Variants in LTBP1 observed in about 807,000 individuals in gnomAD.
The protein encoded by LTBP1 is latent transforming growth factor beta binding protein 1.
Under a neutral mutation model 207.6 loss-of-function variants are expected in LTBP1, and 129 were observed. That is an observed-to-expected ratio of 0.62 (90% CI 0.54 to 0.72). The LOEUF is 0.72. Ranked by LOEUF, LTBP1 falls within the 30% of genes least tolerant of loss-of-function variation. The probability of loss-of-function intolerance (pLI) is 0.00; values close to 1 mark genes in which losing one functional copy is unlikely to be tolerated. For missense variants in LTBP1, 2,281 were observed against 2,217.2 expected, an observed-to-expected ratio of 1.03 and a Z score of -0.58; for synonymous variants, 963 against 833.7, an observed-to-expected ratio of 1.16 and a Z score of -2.67.
intron 16 of LTBP1, among the ~76,000 whole-genome samples, chr2:33,274,379 G>A (rs1427003164): frequency 6.6e-6 from 1 of 150,734 alleles, no homozygotes; most frequent in African/African-American, 2.4e-5. Flanking sequence ...ACTAAATTAT[G>A]AGGCCAATAG....
At chr2:33,213,483 A>T (rs531575315) in intron 7 of LTBP1, among the ~76,000 whole-genome samples, 1 of 152,374 alleles carries the variant, frequency 6.6e-6, no homozygotes, top group Admixed American at 6.5e-5. Flanking sequence ...GTCATAGACA[A>T]GGATTTTCTG....
At chr2:33,381,770 T>C (rs903564440) in intron 31 of LTBP1, among the ~76,000 whole-genome samples, 2 of 152,274 alleles carry the variant, frequency 1.3e-5, no homozygotes, top group African/African-American at 4.8e-5. Context: ...ATAATTTTTT[T>C]CCCAGGGTTT....
At chr2:33,079,714 G>T (rs947756520) in intron 3 of LTBP1, among the ~76,000 whole-genome samples, 13 of 152,170 alleles carry the variant, frequency 8.5e-5, no homozygotes, top group African/African-American at 3.1e-4. Context: ...AAGGTGACAA[G>T]GCTGTCCTGG....
chr2:33,014,372 A>G (rs2149134862), intron 2 of LTBP1, among the ~76,000 whole-genome samples: 1 of 152,298 alleles, frequency 6.6e-6, no homozygotes, highest in African/African-American at 2.4e-5. Context: ...AGAGTAGACT[A>G]AAATGTGTGA....
intron 32 of LTBP1, among the ~76,000 whole-genome samples, chr2:33,392,490 G>A (rs1359103367): frequency 2.6e-5 from 4 of 152,148 alleles, no homozygotes; most frequent in African/African-American, 4.8e-5. Flanking sequence ...GAGCCCAGAT[G>A]GTAAAATTTG....
rs1344412067 is a variant in LTBP1 at position 33,389,238 on chromosome 2, G to T, written c.4766G>T (p.Gly1589Val). The change falls in exon 32 of 34, where the codon GGA becomes GTA. Residue 1589 changes from glycine to valine, a missense_variant. By Grantham distance (109) the Gly-to-Val change is moderately radical (BLOSUM62 -3). Coordinates refer to ENST00000404816, the MANE Select transcript of LTBP1 (RefSeq NM_206943.4). ...GTGACGGGACGCCGGCAGCCATATGGACGGGACGCCTTGGTTGACTTCAGT... is the reference window on the plus strand; with the variant it reads ...GTGACGGGACGCCGGCAGCCATATGTACGGGACGCCTTGGTTGACTTCAGT... Reference protein sequence around the residue: ...IPVTGRRQPYGRDALVDFSEQ... With the variant: ...IPVTGRRQPYVRDALVDFSEQ... 6.2e-7 allele frequency: 1 copy of T among 1,614,150 alleles called. No individual in the cohort carries two copies. The highest frequency in any genetic ancestry group is 8.5e-7 in the Non-Finnish European group (1 of 1,180,024).
chr2:33,169,254 C>T (rs1399452516), intron 5 of LTBP1, among the ~76,000 whole-genome samples: 1 of 152,164 alleles, frequency 6.6e-6, no homozygotes, highest in Non-Finnish European at 1.5e-5. Flanking sequence ...CCTTCTTTAG[C>T]TTGCATTCTT....
Position 33,170,050 on chromosome 2 carries a change from T to C in LTBP1, c.1202-16806T>C, listed in dbSNP as rs372558845. 1.4e-3 allele frequency among the ~76,000 whole-genome samples: 209 copies of C among 152,336 alleles called. 3 individuals carry two copies. The highest frequency in any genetic ancestry group is 4.9e-3 in the African/African-American group (202 of 41,588). On this transcript the variant is annotated intron_variant, in intron 5 of 33. Coordinates refer to ENST00000404816, the MANE Select transcript of LTBP1 (RefSeq NM_206943.4). ...CAAGATGGCCGAATAGGAACAGCTC[T>C]GGTCCACAGCTCCCAGCGTGAGTGA... is the stretch of plus-strand genomic sequence containing the variant.
intron 10 of LTBP1, among the ~76,000 whole-genome samples, chr2:33,250,909 C>T (rs1288409273): frequency 3.3e-5 from 5 of 152,146 alleles, no homozygotes; most frequent in African/African-American, 1.2e-4. Flanking sequence ...GCATGGACTG[C>T]GTGAGAAGCA....
At position 33,367,696 on chromosome 2, in the gene LTBP1, C is replaced by T. The variant is rs182075219; in HGVS notation, c.4711+2193C>T. Among the ~76,000 whole-genome samples the T allele has an allele frequency of 6.8e-4, 104 of 152,202 alleles. 2 individuals are homozygous for T. In the South Asian group the frequency reaches 0.019, roughly 28 times the overall value. ...AAACACACGATTTTATTCTTGGTTA[C>T]GGCTTAGTGGTATTACATGGATAAA... On this transcript the variant is annotated intron_variant, in intron 31 of 33. Transcript: ENST00000404816.
chr2:33,342,851 T>G lies in LTBP1; in HGVS notation c.3744T>G (p.Cys1248Trp), dbSNP rs1377418318. Residue 1248 changes from cysteine (C) to tryptophan (W), a missense_variant, in exon 25 of 34, where the codon TGT (cysteine) becomes TGG (tryptophan). Around this residue, in one of 3 missense-constraint regions of LTBP1, gnomAD observed 1,671 missense variants for 1,634.8 expected, o/e 1.02. Coordinates refer to ENST00000404816, the MANE Select transcript of LTBP1 (RefSeq NM_206943.4). ...DGRTCEDIDECVNNTVCDSHG... is the reference protein window; with the variant it reads ...DGRTCEDIDEWVNNTVCDSHG... Reference sequence around the variant, plus strand: ...TCTTTTTTGCAGATATTGATGAATGTGTAAACAACACTGTTTGTGACAGTC... The same window carrying G: ...TCTTTTTTGCAGATATTGATGAATGGGTAAACAACACTGTTTGTGACAGTC... 6.2e-7 allele frequency: 1 copy of G among 1,613,928 alleles called. No homozygotes were observed. The highest frequency in any genetic ancestry group is 1.7e-5 in the Admixed American group (1 of 59,978).
intron 24 of LTBP1, among the ~76,000 whole-genome samples, chr2:33,338,225 A>C (rs2094575215): frequency 6.6e-6 from 1 of 152,216 alleles, no homozygotes; most frequent in Non-Finnish European, 1.5e-5. Flanking sequence ...TTGCTCATCT[A>C]AACTTTCTCG....
intron 31 of LTBP1, among the ~76,000 whole-genome samples, chr2:33,366,048 C>A (rs1013930741): frequency 6.6e-6 from 1 of 152,168 alleles, no homozygotes; most frequent in Admixed American, 6.5e-5. Context: ...TGGGTTTAAA[C>A]CTTTGGTCAA....
Position 33,262,721 on chromosome 2 carries a change from G to A in LTBP1, c.2419-1G>A. 1.3e-6 allele frequency: 2 copies of A among 1,555,356 alleles called. No individual in the cohort carries two copies. Among genetic ancestry groups the A allele is most frequent in the South Asian group, 1.2e-5 (1 of 85,472 alleles). ...TTCTCTTTTAAAATACAACCATCCA[G>A]GAAATACCTTCATTGGATCAAGAGA... is the stretch of plus-strand genomic sequence containing the variant. On this transcript the variant is annotated splice_acceptor_variant, in intron 13 of 33. Coordinates refer to ENST00000404816, the MANE Select transcript of LTBP1 (RefSeq NM_206943.4). LOFTEE classifies it high-confidence loss of function.
chr2:33,303,474 C>T (rs1419424375), intron 22 of LTBP1, among the ~76,000 whole-genome samples: 3 of 151,846 alleles, frequency 2.0e-5, no homozygotes, highest in African/African-American at 7.3e-5. Flanking sequence ...CTCAGCCTCC[C>T]GAGTAGCTGG....
chr2:33,191,392 C>T (rs538843077), intron 7 of LTBP1, among the ~76,000 whole-genome samples: 2 of 152,310 alleles, frequency 1.3e-5, no homozygotes, highest in East Asian at 3.9e-4. Flanking sequence ...AAACAGTGAT[C>T]TCAATTCTTA....
At chr2:32,994,169 A>T (rs1377421471) in intron 2 of LTBP1, among the ~76,000 whole-genome samples, 1 of 152,208 alleles carries the variant, frequency 6.6e-6, no homozygotes, top group Non-Finnish European at 1.5e-5. Context: ...AACCCTTGTC[A>T]TCAGAGGTCT....
Position 33,360,753 on chromosome 2 carries a change from T to C in LTBP1, c.4157T>C (p.Ile1386Thr). ...SGVGWGDNCE[I>T]FPCPVLGTAE... ...GTGGGATGGGGAGATAACTGCGAAA[T>C]CTTCCCCTGCCCGGTCTTGGGAACT... Residue 1386 changes from isoleucine to threonine, a missense_variant, in exon 27 of 34, where the codon ATC becomes ACC. Ile to Thr is a moderately conservative substitution (Grantham distance 89). Coordinates refer to ENST00000404816, the MANE Select transcript of LTBP1 (RefSeq NM_206943.4). The C allele has an allele frequency of 6.2e-7, 1 of 1,614,016 alleles. No individual in the cohort carries two copies. Among genetic ancestry groups the C allele is most frequent in the Non-Finnish European group, 8.5e-7 (1 of 1,179,892 alleles).
intron 3 of LTBP1, among the ~76,000 whole-genome samples, chr2:33,082,749 G>T (rs748252028): frequency 1.3e-5 from 2 of 152,042 alleles, no homozygotes; most frequent in Admixed American, 6.5e-5. Context: ...TCATAACTCC[G>T]TTTATATTTC....
Sources: allele counts gnomAD v4.1 joint callset (sites outside exome capture counted in the v4.1 genomes callset), GRCh38; gene constraint gnomAD v4.1.1; regional missense constraint gnomAD v4.1.1; transcripts MANE v1.5; gene names NCBI Gene and HGNC (gene_info 2026-07-23, HGNC 2026-07-21).